Variants in LUZP1 observed in about 807,000 individuals in gnomAD.
LUZP1 encodes filamin mechanobinding actin cross-linking protein.
LUZP1 carries 25 observed loss-of-function variants against 71.3 expected under a neutral mutation model. That is an observed-to-expected ratio of 0.35 (90% CI 0.26 to 0.49). The LOEUF (loss-of-function observed/expected upper bound fraction) is 0.49, where lower values mean the gene tolerates loss of function less well. Among genes scored for constraint, LUZP1 ranks in the 20% least tolerant of loss-of-function variants. The pLI, the probability that LUZP1 is intolerant of heterozygous loss-of-function variation, is 0.99. For synonymous variants in LUZP1, 481 were observed against 506.4 expected (o/e 0.95, Z 0.67); for missense variants, 1,142 against 1,300.8 (o/e 0.88, Z 1.88).
chr1:23,091,359 G>T (rs1185678437), exon 4 of LUZP1: 1 of 1,614,170 alleles, frequency 6.2e-7, no homozygotes, highest in Non-Finnish European at 8.5e-7. Flanking sequence ...AAAAAGGCAG[G>T]ACCTGGGCTG....
At chr1:23,102,880 T>C (rs1258069160) in intron 3 of LUZP1, among the ~76,000 whole-genome samples, 2 of 152,170 alleles carry the variant, frequency 1.3e-5, no homozygotes, top group Non-Finnish European at 2.9e-5. Flanking sequence ...TAAAGGATAA[T>C]AGGAGCTTTT....
intron 2 of LUZP1, among the ~76,000 whole-genome samples, chr1:23,112,504 G>A (rs1240357930): frequency 3.3e-5 from 5 of 152,206 alleles, no homozygotes; most frequent in Non-Finnish European, 5.9e-5. Flanking sequence ...ACAAGCTCAA[G>A]TGAACATTTT....
exon 4 of LUZP1, chr1:23,092,531 C>A: frequency 6.2e-7 from 1 of 1,614,160 alleles, no homozygotes; most frequent in Non-Finnish European, 8.5e-7. Flanking sequence ...CTTTAGAGAG[C>A]CCTTCTGAGG....
intron 2 of LUZP1, among the ~76,000 whole-genome samples, chr1:23,136,067 T>A (rs1644250730): frequency 6.6e-6 from 1 of 152,092 alleles, no homozygotes; most frequent in Admixed American, 6.5e-5. Flanking sequence ...TCAATGAGCT[T>A]TTTTGTGCCT....
At chr1:23,151,119 C>G (rs1048477264) in intron 2 of LUZP1, among the ~76,000 whole-genome samples, 4 of 152,156 alleles carry the variant, frequency 2.6e-5, no homozygotes, top group African/African-American at 9.7e-5. Context: ...TCTCGGCTCA[C>G]TGCAATCCCC....
At chr1:23,096,793 T>C (rs1643894524) in intron 3 of LUZP1, among the ~76,000 whole-genome samples, 1 of 152,064 alleles carries the variant, frequency 6.6e-6, no homozygotes, top group Non-Finnish European at 1.5e-5. Flanking sequence ...AACAACATGA[T>C]GAGACCCCAT....
intron 2 of LUZP1, among the ~76,000 whole-genome samples, chr1:23,160,053 G>A (rs1360305601): frequency 2.0e-5 from 3 of 152,152 alleles, no homozygotes; most frequent in South Asian, 2.1e-4. Context: ...AGTTTCATCA[G>A]AAAAGCCAAA....
chr1:23,141,914 G>A (rs931168586), intron 2 of LUZP1, among the ~76,000 whole-genome samples: 74 of 150,726 alleles, frequency 4.9e-4, no homozygotes, highest in Admixed American at 7.3e-4. Context: ...CGCCATCTCC[G>A]GCTCACTGCA....
At chr1:23,136,379 T>A (rs1644253123) in intron 2 of LUZP1, among the ~76,000 whole-genome samples, 1 of 148,136 alleles carries the variant, frequency 6.8e-6, no homozygotes, top group South Asian at 2.1e-4. Flanking sequence ...ACAAAAACAA[T>A]TTTCCAACAA....
chr1:23,123,598 T>C (rs1327931243), intron 2 of LUZP1, among the ~76,000 whole-genome samples: 2 of 152,004 alleles, frequency 1.3e-5, no homozygotes, highest in African/African-American at 4.8e-5. Flanking sequence ...CAAGATTGAA[T>C]TGCAGACTTT....
rs1389415209 is a variant in LUZP1 at position 23,139,045 on chromosome 1, T to TATATATAC, written c.-226+29720_-226+29721insGTATATAT. 4.5e-4 allele frequency among the ~76,000 whole-genome samples: 54 copies of TATATATAC among 119,692 alleles called. 1 individual carries two copies. Among genetic ancestry groups the TATATATAC allele is most frequent in the East Asian group, 2.6e-3 (11 of 4,198 alleles). 78.5% of individuals were successfully genotyped at this position (119,692 alleles called of 152,430 possible). A position where few individuals can be genotyped will look rare whatever the true frequency, so the allele number is the denominator to read the frequency against. ...ATATATATATATATATATATATATA[T>TATATATAC]ACACACATCATATGTATATTTTGTA... On this transcript the variant is annotated intron_variant, in intron 2 of 4. Coordinates refer to ENST00000302291, the Ensembl canonical transcript of LUZP1.
chr1:23,119,164 C>T (rs1644109743), intron 2 of LUZP1, among the ~76,000 whole-genome samples: 1 of 151,894 alleles, frequency 6.6e-6, no homozygotes, highest in African/African-American at 2.4e-5. Context: ...TAATTATAGA[C>T]CACCTTATTC....
chr1:23,092,413 G>C lies in LUZP1; in HGVS notation c.1849C>G (p.Gln617Glu), dbSNP rs1050095912. 1.2e-6 allele frequency: 2 copies of C among 1,614,072 alleles called. No homozygotes were observed. Among genetic ancestry groups the C allele is most frequent in the Non-Finnish European group, 1.7e-6 (2 of 1,180,042 alleles). ...TCTTTATGTGAGGTTGAAAATCCCT[G>C]AAGGATGTTCTCTTGGCTTCTACAG... is the stretch of plus-strand genomic sequence containing the variant. The change falls in exon 4 of 5, where the codon CAG (glutamine) becomes GAG (glutamate). Residue 617 changes from glutamine to glutamate, a missense_variant. Coordinates refer to ENST00000302291, the Ensembl canonical transcript of LUZP1.
In LUZP1 at chr1:23,094,432, G is replaced by A. The variant is rs764142963; in HGVS notation, c.-119-52C>T. Reference sequence around the variant, plus strand: ...CAGTCAGCAAATGTAAAACCTGCACGTTAGCTCCCAGTTATAGAAAAGTGC... The same window carrying A: ...CAGTCAGCAAATGTAAAACCTGCACATTAGCTCCCAGTTATAGAAAAGTGC... On this transcript the variant is annotated intron_variant, in intron 3 of 4. Coordinates refer to ENST00000302291, the Ensembl canonical transcript of LUZP1. This position sits in a 1 kb window ranked among gnomAD's most constrained non-coding sequence, Gnocchi z 4.7. 2.4e-5 allele frequency: 32 copies of A among 1,313,086 alleles called. No individual in the cohort carries two copies. Among genetic ancestry groups the A allele is most frequent in the Admixed American group, 1.0e-4 (3 of 29,164 alleles). The allele number at this position is 1,313,086 out of a possible 1,614,324, so 81.3% of individuals were successfully genotyped here. A position where few individuals can be genotyped will look rare whatever the true frequency, so the allele number is the denominator to read the frequency against.
intron 2 of LUZP1, among the ~76,000 whole-genome samples, chr1:23,120,860 C>T (rs539978006): frequency 6.6e-6 from 1 of 152,320 alleles, no homozygotes; most frequent in East Asian, 1.9e-4. Flanking sequence ...GCCTCTCTTG[C>T]TTCAGTGCCC....
At chr1:23,089,494 T>C (rs752406955) in intron 4 of LUZP1, among the ~76,000 whole-genome samples, 2 of 152,146 alleles carry the variant, frequency 1.3e-5, no homozygotes, top group African/African-American at 2.4e-5. Context: ...ACATACAAAC[T>C]ACCAAAAAGC....
chr1:23,155,847 T>C (rs1644417312), intron 2 of LUZP1, among the ~76,000 whole-genome samples: 1 of 152,040 alleles, frequency 6.6e-6, no homozygotes, highest in African/African-American at 2.4e-5. Context: ...CACTGGTGAA[T>C]CACTAAAATG....
chr1:23,099,208 G>C (rs1643913025), intron 3 of LUZP1, among the ~76,000 whole-genome samples: 1 of 152,230 alleles, frequency 6.6e-6, no homozygotes, highest in African/African-American at 2.4e-5. Context: ...CTTCTGCCCA[G>C]TGGTACAATT....
intron 2 of LUZP1, among the ~76,000 whole-genome samples, chr1:23,110,040 A>G (rs1374473792): frequency 6.6e-6 from 1 of 152,202 alleles, no homozygotes; most frequent in Non-Finnish European, 1.5e-5. Flanking sequence ...TGTTACCTCT[A>G]CTTTACAGAT....
Sources: gnomAD v4.1 joint callset for allele counts (sites outside exome capture counted in the v4.1 genomes callset) on GRCh38, gnomAD v4.1.1 for gene constraint, Gnocchi (gnomAD v3.1) non-coding constraint, MANE v1.5 for transcripts, NCBI Gene and HGNC (gene_info 2026-07-23, HGNC 2026-07-21) for gene names.